TNRC18: variants seen among roughly 807,000 people sequenced by gnomAD.
TNRC18 encodes trinucleotide repeat containing 18.
Under a neutral mutation model 226.7 loss-of-function variants are expected in TNRC18, and 69 were observed. That is an observed-to-expected ratio of 0.30 (90% CI 0.25 to 0.37). The LOEUF (loss-of-function observed/expected upper bound fraction) is 0.37, where lower values mean the gene tolerates loss of function less well. TNRC18 is among the 10% of genes least tolerant of loss of function. TNRC18 has a pLI of 1.00. For synonymous variants in TNRC18, 2,449 were observed against 1,927.6 expected (o/e 1.27, Z -7.09); for missense variants, 4,754 against 4,256.6 (o/e 1.12, Z -3.25).
chr7:5,333,069 G>A lies in TNRC18; in HGVS notation c.5720-20C>T, dbSNP rs777950232. ...CTGTGCCTGAACGCGGGAGGAGGGCGTGCTGGTCACAGCCTCGTGGGGACC... is the reference window on the plus strand; with the variant it reads ...CTGTGCCTGAACGCGGGAGGAGGGCATGCTGGTCACAGCCTCGTGGGGACC... On this transcript the variant is annotated intron_variant, in intron 18 of 29. Transcript: ENST00000430969. 4.5e-6 allele frequency: 7 copies of A among 1,558,850 alleles called. No individual in the cohort carries two copies. In the East Asian group the frequency reaches 1.2e-4, roughly 26 times the overall value.
In TNRC18 at chr7:5,309,108, G is replaced by A. The variant is rs192072300; in HGVS notation, c.8625+24C>T. ...TGCCCTACACCGCCTAGGACTGGGG[G>A]CCGCAGCCGGGCCGCAGGCTCACCT... On this transcript the variant is annotated intron_variant, in intron 28 of 29. Transcript: ENST00000430969. The surrounding 1 kb of genome is among the most constrained non-coding windows in gnomAD (Gnocchi z 5.7). The A allele has an allele frequency of 3.2e-6, 5 of 1,576,872 alleles. No homozygotes were observed. The highest frequency in any genetic ancestry group is 2.3e-5 in the East Asian group (1 of 42,900).
In TNRC18 at chr7:5,370,702, C is replaced by A. The variant is rs778234717; in HGVS notation, c.3892G>T (p.Val1298Leu). Reference protein sequence around the residue: ...QPTLEMSDCDVPAGEGQCPSL... With the variant: ...QPTLEMSDCDLPAGEGQCPSL... ...GGGCACTGTCCCTCCCCGGCGGGCA[C>A]GTCACAGTCTGACATTTCTAGGGTG... is the stretch of plus-strand genomic sequence containing the variant. Residue 1298 changes from valine to leucine, a missense_variant, in exon 11 of 30, where the codon GTG becomes TTG. Val to Leu is a conservative substitution (Grantham distance 32). Transcript: ENST00000430969. 1 of 1,610,552 alleles carries A rather than the reference C, an allele frequency of 6.2e-7. No individual in the cohort carries two copies. The highest frequency in any genetic ancestry group is 8.5e-7 in the Non-Finnish European group (1 of 1,178,918).
At position 5,309,430 on chromosome 7, in the gene TNRC18, G is replaced by C; in HGVS notation, c.8389-62C>G. The C allele has an allele frequency of 6.8e-7, 1 of 1,465,146 alleles. No homozygotes were observed. Among genetic ancestry groups the C allele is most frequent in the Non-Finnish European group, 9.2e-7 (1 of 1,081,614 alleles). The allele number at this position is 1,465,146 out of a possible 1,614,324, so 90.8% of individuals were successfully genotyped here. A position where few individuals can be genotyped will look rare whatever the true frequency, so the allele number is the denominator to read the frequency against. ...CCAGCCCCAAGGAGCCCGCCGCCTG[G>C]CAGGCTCTGCCGCTTGGGACTCTGG... On this transcript the variant is annotated intron_variant, in intron 27 of 29. Coordinates refer to ENST00000430969, the MANE Select transcript of TNRC18 (RefSeq NM_001080495.3). The surrounding 1 kb of genome is among the most constrained non-coding windows in gnomAD (Gnocchi z 5.7).
At chr7:5,317,962 C>T (rs1426442813) in intron 24 of TNRC18, among the ~76,000 whole-genome samples, 5 of 151,022 alleles carry the variant, frequency 3.3e-5, no homozygotes, top group South Asian at 2.1e-4. Flanking sequence ...CTCTACTTCC[C>T]GGGTTCAGGT....
At chr7:5,347,110 A>G (rs1791274947) in intron 17 of TNRC18, among the ~76,000 whole-genome samples, 1 of 151,666 alleles carries the variant, frequency 6.6e-6, no homozygotes, top group Admixed American at 6.6e-5. Flanking sequence ...TGAGAGGCTG[A>G]GGCGGGAAGA....
intron 9 of TNRC18, 98 bp from the exon 10 acceptor site, chr7:5,374,582 G>C: frequency 7.7e-7 from 1 of 1,292,342 alleles, no homozygotes; most frequent in South Asian, 1.5e-5. Context: ...CGAGTCCGAG[G>C]AGAACCTCAT....
intron 4 of TNRC18, 150 bp from the exon 5 acceptor site, chr7:5,389,486 C>A (rs1171449702): frequency 4.5e-5 from 28 of 621,864 alleles, no homozygotes; most frequent in Non-Finnish European, 5.5e-5. Context: ...AAGAGTCTCG[C>A]TCTCCTCACC....
chr7:5,349,036 A>G (rs1454184864), intron 17 of TNRC18, among the ~76,000 whole-genome samples: 1 of 152,190 alleles, frequency 6.6e-6, no homozygotes, highest in Non-Finnish European at 1.5e-5. Context: ...TCAGGTGCGC[A>G]GACTCCAGAA....
At position 5,376,089 on chromosome 7, in the gene TNRC18, T is replaced by C; in HGVS notation, c.2744A>G (p.Tyr915Cys). The C allele has an allele frequency of 1.3e-6, 2 of 1,595,378 alleles. No homozygotes were observed. Among genetic ancestry groups the C allele is most frequent in the Non-Finnish European group, 1.7e-6 (2 of 1,172,196 alleles). The stretch of plus-strand genomic sequence containing the variant: ...GGCCTGGGCCGCCTGCTGCTGCAGG[T>C]ACAGGAACTCCTGCTGCCGCAGGAA... Reference protein sequence around the residue: ...QHFLRQQEFLYLQQQAAQALE... With the variant: ...QHFLRQQEFLCLQQQAAQALE... Residue 915 changes from tyrosine to cysteine, a missense_variant, in exon 9 of 30, where the codon TAC (tyrosine) becomes TGC (cysteine). Tyr to Cys is a radical substitution (Grantham distance 194). Transcript: ENST00000430969.
At chr7:5,363,492 T>A (rs1793288704) in intron 11 of TNRC18, among the ~76,000 whole-genome samples, 2 of 152,014 alleles carry the variant, frequency 1.3e-5, no homozygotes, top group Admixed American at 1.3e-4. Flanking sequence ...TAGCCCCAGC[T>A]ACTCGGGAGG....
Position 5,377,316 on chromosome 7 carries a change from G to GCCCCCCCCCCCCCCCC in TNRC18, c.2461+54_2461+55insGGGGGGGGGGGGGGGG. ...AGCCCTGAGCTCTTGTCCTGCACCC[G>GCCCCCCCCCCCCCCCC]CCCCCTCCCACCCCTCCCTCAGAGA... On this transcript the variant is annotated intron_variant, in intron 7 of 29. Transcript: ENST00000430969. The surrounding 1 kb of genome is among the most constrained non-coding windows in gnomAD (Gnocchi z 5.8). The GCCCCCCCCCCCCCCCC allele has an allele frequency of 2.2e-6, 1 of 453,412 alleles. No individual in the cohort carries two copies. The highest frequency in any genetic ancestry group is 4.2e-6 in the Non-Finnish European group (1 of 240,312). The allele number at this position is 453,412 out of a possible 1,614,324, so 28.1% of individuals were successfully genotyped here. A position where few individuals can be genotyped will look rare whatever the true frequency, so the allele number is the denominator to read the frequency against.
At chr7:5,409,623 A>G (rs1781708545) in intron 2 of TNRC18, among the ~76,000 whole-genome samples, 1 of 151,948 alleles carries the variant, frequency 6.6e-6, no homozygotes, top group Admixed American at 6.6e-5. Context: ...AAAGGTTAGA[A>G]GATACCATTA....
Position 5,357,190 on chromosome 7 carries a change from G to A in TNRC18, c.4920C>T (p.Asp1640=). Residue 1640 remains aspartate (D), a synonymous_variant, in exon 16 of 30, where the codon GAC becomes GAT. Transcript: ENST00000430969. Reference sequence around the variant, plus strand: ...AAAACTTGAAGGGCGACTTCAACTTGTCCTGCTTGGTGAGGGAGAGGGCCT... The same window carrying A: ...AAAACTTGAAGGGCGACTTCAACTTATCCTGCTTGGTGAGGGAGAGGGCCT... ...LDKALSLTKQ[D]KLKSPFKFSD... 6.2e-7 allele frequency: 1 copy of A among 1,610,612 alleles called. No individual in the cohort carries two copies. The highest frequency in any genetic ancestry group is 8.5e-7 in the Non-Finnish European group (1 of 1,178,612).
intron 24 of TNRC18, among the ~76,000 whole-genome samples, chr7:5,318,714 G>C (rs1246888885): frequency 6.6e-6 from 1 of 152,090 alleles, no homozygotes; most frequent in Non-Finnish European, 1.5e-5. Flanking sequence ...TCACAATGTT[G>C]AATGTCTTCA....
chr7:5,344,346 A>C (rs1790957699), intron 18 of TNRC18, among the ~76,000 whole-genome samples: 1 of 152,126 alleles, frequency 6.6e-6, no homozygotes, highest in Non-Finnish European at 1.5e-5. Context: ...CACTCTGAAG[A>C]CACCCTCCAG....
intron 19 of TNRC18, chr7:5,330,037 T>C: frequency 2.1e-6 from 1 of 470,100 alleles, no homozygotes; most frequent in Non-Finnish European, 4.4e-6. Flanking sequence ...ACCCCACATC[T>C]CAGCATCCCA....
intron 5 of TNRC18, among the ~76,000 whole-genome samples, chr7:5,382,872 G>A (rs939569662): frequency 1.3e-5 from 2 of 152,076 alleles, no homozygotes; most frequent in African/African-American, 2.4e-5. Flanking sequence ...TGTTCATACG[G>A]GCTGCTGGCT....
At chr7:5,322,869 G>A (rs1788516750) in intron 21 of TNRC18, among the ~76,000 whole-genome samples, 1 of 152,206 alleles carries the variant, frequency 6.6e-6, no homozygotes, top group Admixed American at 6.5e-5. Context: ...TGGCAGAGTC[G>A]ACTTCCCACA....
chr7:5,325,497 C>T (rs1200418692), intron 19 of TNRC18: 2 of 429,518 alleles, frequency 4.7e-6, no homozygotes, highest in South Asian at 5.0e-5. Flanking sequence ...GATCTTGGCT[C>T]ACTGCAAGCT....
Sources: allele counts gnomAD v4.1 joint callset (sites outside exome capture counted in the v4.1 genomes callset), GRCh38; gene constraint gnomAD v4.1.1; non-coding constraint Gnocchi (gnomAD v3.1); transcripts MANE v1.5; gene names NCBI Gene and HGNC (gene_info 2026-07-23, HGNC 2026-07-21).